The following GALNTL6 variants were observed in gnomAD, a reference collection of about 807,000 sequenced individuals.
The protein encoded by GALNTL6 is polypeptide N-acetylgalactosaminyltransferase-like 6.
Under a neutral mutation model 73.7 loss-of-function variants are expected in GALNTL6, and 46 were observed. The observed-to-expected ratio is 0.62, with a 90% CI of 0.49 to 0.80. The LOEUF is 0.80. GALNTL6 is among the 30% of genes least tolerant of loss of function. The probability of loss-of-function intolerance (pLI) is 0.00; values close to 1 mark genes in which losing one functional copy is unlikely to be tolerated. For synonymous variants in GALNTL6, 259 were observed against 263.7 expected (o/e 0.98, Z 0.17); for missense variants, 604 against 755.0 (o/e 0.80, Z 2.34).
At chr4:172,742,031 A>G (rs1009793333) in intron 5 of GALNTL6, among the ~76,000 whole-genome samples, 6 of 152,018 alleles carry the variant, frequency 3.9e-5, no homozygotes, top group African/African-American at 1.4e-4. Flanking sequence ...CTGCATACAT[A>G]CAACAAAAAA....
chr4:172,559,097 C>T (rs540296571), intron 5 of GALNTL6, among the ~76,000 whole-genome samples: 13 of 99,992 alleles, frequency 1.3e-4, no homozygotes, highest in Admixed American at 1.0e-3. Flanking sequence ...GACAGAGTCT[C>T]GCTCTGTCAC....
intron 5 of GALNTL6, among the ~76,000 whole-genome samples, chr4:172,718,961 T>G (rs1244865795): frequency 6.6e-6 from 1 of 151,660 alleles, no homozygotes; most frequent in African/African-American, 2.4e-5. Flanking sequence ...CTCATTGAGT[T>G]GTTCATTTAG....
rs780663046 is a variant in GALNTL6 at position 172,952,123 on chromosome 4, G to A, written c.1236G>A (p.Thr412=). ...QRRPEYRHLS[T]GDISAQKELR... The stretch of plus-strand genomic sequence containing the variant: ...GGCCGGAGTACAGGCATCTCTCCAC[G>A]GGGGACATCTCTGCCCAGAAGGAGC... The change falls in exon 10 of 13, where the codon ACG becomes ACA. Residue 412 remains threonine (T), a synonymous_variant. Coordinates refer to ENST00000506823, the MANE Select transcript of GALNTL6 (RefSeq NM_001034845.3). 3.7e-6 allele frequency: 6 copies of A among 1,613,942 alleles called. No homozygotes were observed. The highest frequency in any genetic ancestry group is 1.7e-5 in the Admixed American group (1 of 59,998).
At chr4:172,103,784 G>A (rs548556151) in intron 2 of GALNTL6, among the ~76,000 whole-genome samples, 2 of 152,282 alleles carry the variant, frequency 1.3e-5, no homozygotes, top group African/African-American at 4.8e-5. Flanking sequence ...ACGGTGATCT[G>A]ACCTGGAGTC....
chr4:172,227,410 G>A (rs968882676), intron 2 of GALNTL6, among the ~76,000 whole-genome samples: 2 of 152,136 alleles, frequency 1.3e-5, no homozygotes, highest in African/African-American at 4.8e-5. Context: ...GGTGGCCTGA[G>A]AACATACCAT....
chr4:172,119,640 A>C (rs1733091358), intron 2 of GALNTL6, among the ~76,000 whole-genome samples: 1 of 152,036 alleles, frequency 6.6e-6, no homozygotes, highest in Non-Finnish European at 1.5e-5. Flanking sequence ...GTAATGTTTT[A>C]AGTTTTGCAG....
intron 10 of GALNTL6, among the ~76,000 whole-genome samples, chr4:172,987,058 A>G (rs1363203927): frequency 2.6e-5 from 4 of 152,108 alleles, no homozygotes; most frequent in African/African-American, 9.7e-5. Context: ...TAGAAACATA[A>G]TTTTTCTCTC....
At chr4:172,745,134 A>T (rs567551981) in intron 5 of GALNTL6, among the ~76,000 whole-genome samples, 9 of 151,892 alleles carry the variant, frequency 5.9e-5, no homozygotes. Context: ...TCTCTCAAAC[A>T]ATAGGGAAAG....
chr4:173,022,074 G>GGAAGGAAGGAAA (rs1561091696), intron 12 of GALNTL6, among the ~76,000 whole-genome samples: 1,807 of 106,800 alleles, frequency 0.017, 16 homozygotes, highest in Non-Finnish European at 0.026. Context: ...AAGGAAGGAA[G>GGAAGGAAGGAAA]GAAGGAAGGA....
chr4:172,741,651 T>G (rs1050740758), intron 5 of GALNTL6, among the ~76,000 whole-genome samples: 3 of 151,990 alleles, frequency 2.0e-5, no homozygotes, highest in Non-Finnish European at 2.9e-5. Flanking sequence ...TACATATATT[T>G]ATTATATAGA....
intron 5 of GALNTL6, among the ~76,000 whole-genome samples, chr4:172,356,438 A>C (rs1010084643): frequency 1.3e-5 from 2 of 152,004 alleles, no homozygotes; most frequent in Non-Finnish European, 2.9e-5. Context: ...TAATTTAAAA[A>C]AAATCATTGC....
chr4:172,901,072 C>A (rs1746603662), intron 8 of GALNTL6, among the ~76,000 whole-genome samples: 1 of 152,092 alleles, frequency 6.6e-6, no homozygotes, highest in African/African-American at 2.4e-5. Flanking sequence ...GTCTAGAAAC[C>A]ATGGCAACAG....
chr4:172,047,792 TA>T (rs999291744), intron 2 of GALNTL6, among the ~76,000 whole-genome samples: 3 of 152,090 alleles, frequency 2.0e-5, no homozygotes, highest in African/African-American at 7.2e-5. Context: ...CAATGTTTTT[TA>T]AAAAAAGTTT....
intron 2 of GALNTL6, among the ~76,000 whole-genome samples, chr4:172,032,667 A>T (rs1741804644): frequency 6.6e-6 from 1 of 152,080 alleles, no homozygotes; most frequent in Non-Finnish European, 1.5e-5. Context: ...TAATGCTTGC[A>T]TGTATCAGAT....
intron 2 of GALNTL6, among the ~76,000 whole-genome samples, chr4:172,054,863 T>C (rs901121486): frequency 6.6e-6 from 1 of 152,170 alleles, no homozygotes; most frequent in Admixed American, 6.6e-5. Flanking sequence ...CAAGAGAAAG[T>C]TGTTAGTTCT....
intron 7 of GALNTL6, among the ~76,000 whole-genome samples, chr4:172,821,546 G>C (rs1741930240): frequency 6.6e-6 from 1 of 152,176 alleles, no homozygotes; most frequent in Non-Finnish European, 1.5e-5. Flanking sequence ...GACCAAACTA[G>C]AGCTGATAGG....
chr4:172,560,480 C>T (rs557674138), intron 5 of GALNTL6, among the ~76,000 whole-genome samples: 1 of 151,730 alleles, frequency 6.6e-6, no homozygotes, highest in East Asian at 1.9e-4. Flanking sequence ...CGAAGTGAGA[C>T]TGTCTCAAAA....
At chr4:172,526,402 G>T (rs527954471) in intron 5 of GALNTL6, among the ~76,000 whole-genome samples, 1 of 152,112 alleles carries the variant, frequency 6.6e-6, no homozygotes, top group African/African-American at 2.4e-5. Context: ...TGAGACTCAG[G>T]TAAATTTAAA....
intron 2 of GALNTL6, among the ~76,000 whole-genome samples, chr4:172,183,937 C>T (rs113402566): frequency 0.021 from 3,158 of 151,948 alleles, 108 homozygotes; most frequent in African/African-American, 0.07. Context: ...GAACTACAGG[C>T]ATGCACCACC....
Sources: gnomAD v4.1 joint callset for allele counts (sites outside exome capture counted in the v4.1 genomes callset) on GRCh38, gnomAD v4.1.1 for gene constraint, MANE v1.5 for transcripts, NCBI Gene and HGNC (gene_info 2026-07-23, HGNC 2026-07-21) for gene names.